The following EPS8 variants were observed in gnomAD, a reference collection of about 807,000 sequenced individuals.
The protein encoded by EPS8 is epidermal growth factor receptor kinase substrate 8.
In EPS8, 42 loss-of-function variants were observed where a neutral mutation model predicts 103.8. The observed-to-expected ratio is 0.40, with a 90% confidence interval of 0.32 to 0.52. The LOEUF (loss-of-function observed/expected upper bound fraction) is 0.52. Among genes scored for constraint, EPS8 ranks in the 20% least tolerant of loss-of-function variants. The probability of loss-of-function intolerance (pLI) is 0.40; values close to 1 mark genes in which losing one functional copy is unlikely to be tolerated. For missense variants in EPS8, 969 were observed against 1,005.1 expected (o/e 0.96, Z 0.49); for synonymous variants, 344 against 344.6 (o/e 1.00, Z 0.02).
At position 15,752,544 on chromosome 12, in the gene EPS8, C is replaced by T. The variant is rs2136020179; in HGVS notation, c.-22+36617G>A. Among the ~76,000 whole-genome samples, 1 of 152,110 alleles carries T rather than the reference C, an allele frequency of 6.6e-6. No homozygotes were observed. The highest frequency in any genetic ancestry group is 3.4e-3 in the Middle Eastern group (1 of 294). On this transcript the variant is annotated intron_variant, in intron 1 of 20. Transcript: ENST00000281172. This position sits in a 1 kb window ranked among gnomAD's most constrained non-coding sequence, Gnocchi z 4.4. ...CCTTTTAGCAGGAGTGAAATATTCCCAGCAATGGAATTAAAAGAAATTCAG... is the reference window on the plus strand; with the variant it reads ...CCTTTTAGCAGGAGTGAAATATTCCTAGCAATGGAATTAAAAGAAATTCAG...
chr12:15,735,411 A>G lies in EPS8; in HGVS notation c.-21-52439T>C, dbSNP rs1348941948. Among the ~76,000 whole-genome samples, 3 of 152,200 alleles carry G rather than the reference A, an allele frequency of 2.0e-5. No homozygotes were observed. Among genetic ancestry groups the G allele is most frequent in the African/African-American group, 7.2e-5 (3 of 41,448 alleles). On this transcript the variant is annotated intron_variant, in intron 1 of 20. Coordinates refer to ENST00000281172, the MANE Select transcript of EPS8 (RefSeq NM_004447.6). The surrounding 1 kb of genome is among the most constrained non-coding windows in gnomAD (Gnocchi z 4.4). ...GGAAAAAATGAAGAGGAAAGAGATC[A>G]TGAAGGATCAAATATTGTCTTATGG...
At chr12:15,663,021 G>C (rs901814213) in intron 8 of EPS8, among the ~76,000 whole-genome samples, 2 of 144,400 alleles carry the variant, frequency 1.4e-5, no homozygotes, top group Admixed American at 1.4e-4. Flanking sequence ...AAAAAAGAAA[G>C]AAGAAATCAT....
intron 1 of EPS8, among the ~76,000 whole-genome samples, chr12:15,755,798 A>G (rs571675770): frequency 3.9e-5 from 6 of 152,264 alleles, no homozygotes; most frequent in African/African-American, 1.4e-4. Context: ...CTGTCCCTAC[A>G]TTAACTCTTT....
At chr12:15,637,814 A>G (rs558428660) in intron 17 of EPS8, among the ~76,000 whole-genome samples, 2 of 152,210 alleles carry the variant, frequency 1.3e-5, no homozygotes, top group South Asian at 4.1e-4. Context: ...TGCTCTTGAT[A>G]CAGCAAGCAT....
At chr12:15,678,148 T>G (rs1945941807) in intron 3 of EPS8, among the ~76,000 whole-genome samples, 1 of 152,162 alleles carries the variant, frequency 6.6e-6, no homozygotes, top group Non-Finnish European at 1.5e-5. Context: ...CAGACTGGGA[T>G]GCTAAACACT....
rs1946943263 is a variant in EPS8, at chr12:15,752,469, A to T, written c.-22+36692T>A. On this transcript the variant is annotated intron_variant, in intron 1 of 20. Coordinates refer to ENST00000281172, the MANE Select transcript of EPS8 (RefSeq NM_004447.6). The surrounding 1 kb of genome is among the most constrained non-coding windows in gnomAD (Gnocchi z 4.4). Reference sequence around the variant, plus strand: ...CTCAAAAAAAAAACAAAAACAAAAAAAATAAAAATAAATTCCCCTAAAGAG... The same window carrying T: ...CTCAAAAAAAAAACAAAAACAAAAATAATAAAAATAAATTCCCCTAAAGAG... 6.6e-6 allele frequency among the ~76,000 whole-genome samples: 1 copy of T among 152,024 alleles called. No homozygotes were observed.
At chr12:15,678,309 T>G (rs1368654016) in intron 3 of EPS8, among the ~76,000 whole-genome samples, 2 of 152,182 alleles carry the variant, frequency 1.3e-5, no homozygotes, top group Non-Finnish European at 2.9e-5. Context: ...AGGTACTGTG[T>G]GTATGTCTTT....
In EPS8 at chr12:15,747,036, C is replaced by A. The variant is rs1355578022; in HGVS notation, c.-22+42125G>T. 6.6e-6 allele frequency among the ~76,000 whole-genome samples: 1 copy of A among 152,152 alleles called. No homozygotes were observed. The highest frequency in any genetic ancestry group is 1.5e-5 in the Non-Finnish European group (1 of 68,030). On this transcript the variant is annotated intron_variant, in intron 1 of 20. Transcript: ENST00000281172. This position sits in a 1 kb window ranked among gnomAD's most constrained non-coding sequence, Gnocchi z 4.4. ...TTTTCTGATATTTTTAAATCCTCAA[C>A]AGTCAATACATATTTTGTACGCAGG...
intron 6 of EPS8, among the ~76,000 whole-genome samples, chr12:15,667,277 G>A (rs76135556): frequency 0.044 from 6,626 of 152,038 alleles, 252 homozygotes; most frequent in South Asian, 0.15. Context: ...AGTAAGCATC[G>A]ATAATCATAA....
chr12:15,775,202 T>C (rs1382428541), intron 1 of EPS8, among the ~76,000 whole-genome samples: 3 of 152,100 alleles, frequency 2.0e-5, no homozygotes, highest in African/African-American at 2.4e-5. Flanking sequence ...TTCAAGACAA[T>C]AGAATTTTCC....
chr12:15,702,168 A>G lies in EPS8; in HGVS notation c.-21-19196T>C, dbSNP rs137936253. 8.8e-4 allele frequency among the ~76,000 whole-genome samples: 134 copies of G among 152,354 alleles called. No homozygotes were observed. In the East Asian group the frequency reaches 0.023, roughly 27 times the overall value. Reference sequence around the variant, plus strand: ...TTTATTCCAAAAGGGCAAAGTGCTTAGAGCAGCAGCCTAAGGAAACAGAAT... The same window carrying G: ...TTTATTCCAAAAGGGCAAAGTGCTTGGAGCAGCAGCCTAAGGAAACAGAAT... On this transcript the variant is annotated intron_variant, in intron 1 of 20. Coordinates refer to ENST00000281172, the MANE Select transcript of EPS8 (RefSeq NM_004447.6). The surrounding 1 kb of genome is among the most constrained non-coding windows in gnomAD (Gnocchi z 5.1).
Position 15,666,558 on chromosome 12 carries a change from A to AT in EPS8, c.517-37dup, listed in dbSNP as rs764174716. On this transcript the variant is annotated intron_variant, in intron 6 of 20. Transcript: ENST00000281172. ...ACACAAGTTACCTGAAAGTTTATGG[A>AT]TTTTTCTGAGTCTTGATATGTAGTT... 1.9e-5 allele frequency: 28 copies of AT among 1,499,240 alleles called. No individual in the cohort carries two copies. The African/African-American group carries it at 2.9e-4, about 15-fold the overall frequency. The allele number at this position is 1,499,240 out of a possible 1,614,324, so 92.9% of individuals were successfully genotyped here.
intron 13 of EPS8, among the ~76,000 whole-genome samples, chr12:15,651,882 A>T (rs1945421231): frequency 6.6e-6 from 1 of 152,122 alleles, no homozygotes; most frequent in Non-Finnish European, 1.5e-5. Flanking sequence ...ATCTAAAATG[A>T]CCCTTTCCGT....
intron 1 of EPS8, among the ~76,000 whole-genome samples, chr12:15,685,111 A>T (rs1366500815): frequency 1.3e-5 from 2 of 152,186 alleles, no homozygotes; most frequent in African/African-American, 4.8e-5. Flanking sequence ...TAAGGATCCA[A>T]CTGCAGCACA....
chr12:15,627,163 G>A (rs890517127), intron 18 of EPS8, among the ~76,000 whole-genome samples: 17 of 151,890 alleles, frequency 1.1e-4, no homozygotes, highest in African/African-American at 4.1e-4. Flanking sequence ...CCATGCCCAT[G>A]CCCAACTAAT....
rs1947323738 is a variant in EPS8, at chr12:15,787,617, T to C, written c.-22+1544A>G. ...CCAAGTCTTGTAAACAGCGGTTATC[T>C]CAGAATAGTAGAATTAAAAGCAAAT... On this transcript the variant is annotated intron_variant, in intron 1 of 20. Coordinates refer to ENST00000281172, the MANE Select transcript of EPS8 (RefSeq NM_004447.6). The surrounding 1 kb of genome is among the most constrained non-coding windows in gnomAD (Gnocchi z 4.9). 1.3e-5 allele frequency among the ~76,000 whole-genome samples: 2 copies of C among 152,198 alleles called. No individual in the cohort carries two copies. Among genetic ancestry groups the C allele is most frequent in the African/African-American group, 2.4e-5 (1 of 41,452 alleles).
chr12:15,657,939 A>T lies in EPS8; in HGVS notation c.1101+140T>A. On this transcript the variant is annotated intron_variant, in intron 12 of 20. Coordinates refer to ENST00000281172, the MANE Select transcript of EPS8 (RefSeq NM_004447.6). ...GTTCTTTTAAATTCTCAAATTTTAC[A>T]TTCTTGATGTTTACACAAATGGCAA... 12 of 626,666 alleles carry T rather than the reference A, an allele frequency of 1.9e-5. No individual in the cohort carries two copies. The South Asian group carries it at 2.1e-4, about 11-fold the overall frequency. 38.8% of individuals were successfully genotyped at this position (626,666 alleles called of 1,614,324 possible).
rs1184283754 is a variant in EPS8 at position 15,757,435 on chromosome 12, C to T, written c.-22+31726G>A. ...CACAAAGTCAGGAGATCGAGACCAT[C>T]CTGGCCAACACGGTGAAACCTCATC... On this transcript the variant is annotated intron_variant, in intron 1 of 20. Coordinates refer to ENST00000281172, the MANE Select transcript of EPS8 (RefSeq NM_004447.6). The surrounding 1 kb of genome is among the most constrained non-coding windows in gnomAD (Gnocchi z 4.1). Among the ~76,000 whole-genome samples the T allele has an allele frequency of 6.6e-6, 1 of 152,058 alleles. No homozygotes were observed. The highest frequency in any genetic ancestry group is 1.5e-5 in the Non-Finnish European group (1 of 68,014).
At position 15,727,669 on chromosome 12, in the gene EPS8, C is replaced by T. The variant is rs190094713; in HGVS notation, c.-21-44697G>A. On this transcript the variant is annotated intron_variant, in intron 1 of 20. Transcript: ENST00000281172. This position sits in a 1 kb window ranked among gnomAD's most constrained non-coding sequence, Gnocchi z 4.3. ...GGTCAGGAGTTCGAGACCAGCCTGA[C>T]CAACACGGTGAAACCCCGTCTCTAC... 0.02 allele frequency among the ~76,000 whole-genome samples: 3,015 copies of T among 152,204 alleles called. 45 individuals are homozygous for T. The highest frequency in any genetic ancestry group is 0.044 in the Middle Eastern group (13 of 294).
Sources: gnomAD v4.1 joint callset for allele counts (sites outside exome capture counted in the v4.1 genomes callset) on GRCh38, gnomAD v4.1.1 for gene constraint, Gnocchi (gnomAD v3.1) non-coding constraint, MANE v1.5 for transcripts, NCBI Gene and HGNC (gene_info 2026-07-23, HGNC 2026-07-21) for gene names.